Variants in SENP7 observed in about 807,000 individuals in gnomAD.
SENP7 encodes SUMO specific peptidase 7.
In SENP7, 64 loss-of-function variants were observed where a neutral mutation model predicts 141.2. The ratio of observed to expected loss-of-function variants is 0.45; its 90% CI spans 0.37 to 0.56. The LOEUF is 0.56. Among genes scored for constraint, SENP7 ranks in the 20% least tolerant of loss-of-function variants. SENP7 has a pLI of 0.00. For missense variants in SENP7, 1,025 were observed against 1,212.2 expected (o/e 0.85, Z 2.29); for synonymous variants, 382 against 426.4 (o/e 0.90, Z 1.28).
At chr3:101,384,392 T>C (rs1426599476) in intron 6 of SENP7, among the ~76,000 whole-genome samples, 2 of 152,212 alleles carry the variant, frequency 1.3e-5, no homozygotes, top group African/African-American at 4.8e-5. Flanking sequence ...GCTGTGGCCC[T>C]TAAGGGAGCC....
intron 15 of SENP7, 42 bp downstream of exon 15, chr3:101,341,604 T>C: frequency 7.1e-7 from 1 of 1,413,692 alleles, no homozygotes; most frequent in Non-Finnish European, 9.4e-7. Flanking sequence ...TAAAAACTAC[T>C]AATATGCCCA....
At chr3:101,483,391 G>A (rs1559894047) in intron 3 of SENP7, among the ~76,000 whole-genome samples, 1 of 152,156 alleles carries the variant, frequency 6.6e-6, no homozygotes, top group Admixed American at 6.5e-5. Flanking sequence ...ATGTCCATGA[G>A]CATCCAGTGT....
chr3:101,507,214 T>C (rs1249139535), intron 1 of SENP7, among the ~76,000 whole-genome samples: 1 of 152,222 alleles, frequency 6.6e-6, no homozygotes, highest in Non-Finnish European at 1.5e-5. Flanking sequence ...CATAAATTAC[T>C]GAAAACCCAA....
chr3:101,441,285 C>T (rs1576360626), intron 4 of SENP7, among the ~76,000 whole-genome samples: 2 of 152,280 alleles, frequency 1.3e-5, no homozygotes, highest in Admixed American at 6.5e-5. Flanking sequence ...CAGCTGCCAC[C>T]ACCCACCACT....
At chr3:101,355,393 T>C (rs997827202) in intron 11 of SENP7, among the ~76,000 whole-genome samples, 5 of 152,162 alleles carry the variant, frequency 3.3e-5, no homozygotes, top group African/African-American at 1.2e-4. Flanking sequence ...TTGTGTATGG[T>C]ATAAGGAAGG....
At chr3:101,490,688 T>C (rs143707777) in intron 3 of SENP7, among the ~76,000 whole-genome samples, 2 of 152,334 alleles carry the variant, frequency 1.3e-5, no homozygotes, top group East Asian at 1.9e-4. Context: ...AATGTAACTA[T>C]ATGTCAATAA....
intron 3 of SENP7, among the ~76,000 whole-genome samples, chr3:101,471,907 A>G (rs1382257690): frequency 6.6e-6 from 1 of 152,242 alleles, no homozygotes; most frequent in African/African-American, 2.4e-5. Flanking sequence ...AAAAACACTC[A>G]TCATCACTGG....
intron 1 of SENP7, 81 bp downstream of exon 1, chr3:101,513,010 G>A: frequency 1.3e-6 from 2 of 1,494,080 alleles, no homozygotes; most frequent in Non-Finnish European, 9.3e-7. Context: ...GCTTCGGGCC[G>A]CAACCCCAGC....
In SENP7 at chr3:101,414,572, T is replaced by G. The variant is rs532144959; in HGVS notation, c.482+3021A>C. 1.2e-4 allele frequency: 198 copies of G among 1,605,142 alleles called. No homozygotes were observed. In the African/African-American group the frequency reaches 2.5e-3, roughly 20 times the overall value. ...GTGACCAAGTGTGTGGATGACCACA[T>G]GCACCTCATCCCAACTATGACCAAG... is the stretch of plus-strand genomic sequence containing the variant. On this transcript the variant is annotated intron_variant, in intron 5 of 23. Coordinates refer to ENST00000394095, the MANE Select transcript of SENP7 (RefSeq NM_020654.5).
intron 4 of SENP7, among the ~76,000 whole-genome samples, chr3:101,430,054 A>G (rs2062105246): frequency 1.3e-5 from 2 of 152,106 alleles, no homozygotes; most frequent in Middle Eastern, 3.4e-3. Flanking sequence ...ATCATGGTGG[A>G]TAAGTTTTTT....
chr3:101,358,364 C>T, intron 11 of SENP7: 2 of 564,892 alleles, frequency 3.5e-6, no homozygotes, highest in Non-Finnish European at 3.2e-6. Flanking sequence ...TGTGGCAAAT[C>T]TTTTAAATGT....
intron 8 of SENP7, 84 bp downstream of exon 8, chr3:101,367,746 A>G: frequency 7.2e-6 from 6 of 832,458 alleles, no homozygotes; most frequent in South Asian, 2.2e-5. Flanking sequence ...GCTGAAAGCT[A>G]GAGGAACATT....
chr3:101,437,510 C>T (rs988384784), intron 4 of SENP7, among the ~76,000 whole-genome samples: 4 of 151,594 alleles, frequency 2.6e-5, no homozygotes, highest in Non-Finnish European at 4.4e-5. Flanking sequence ...AATATGTACC[C>T]ACAAAAAAAT....
chr3:101,336,835 CAAA>C, intron 17 of SENP7, among the ~76,000 whole-genome samples: 1 of 151,962 alleles, frequency 6.6e-6, no homozygotes, highest in Non-Finnish European at 1.5e-5. Flanking sequence ...TAGTATTAAC[CAAA>C]AAAATACTTG....
intron 16 of SENP7, among the ~76,000 whole-genome samples, chr3:101,337,982 G>A (rs1163958221): frequency 2.0e-5 from 3 of 151,836 alleles, no homozygotes; most frequent in South Asian, 2.1e-4. Context: ...GTGAAACCCC[G>A]TCTCTACTAA....
intron 3 of SENP7, among the ~76,000 whole-genome samples, chr3:101,490,985 C>T (rs2064943786): frequency 6.6e-6 from 1 of 152,026 alleles, no homozygotes; most frequent in South Asian, 2.1e-4. Flanking sequence ...TATCACTTAA[C>T]TTTTGCGAAT....
intron 4 of SENP7, among the ~76,000 whole-genome samples, chr3:101,418,995 T>C (rs184565946): frequency 6.6e-6 from 1 of 152,264 alleles, no homozygotes; most frequent in Non-Finnish European, 1.5e-5. Flanking sequence ...GGGGTGTACA[T>C]TACAGAGAAT....
At chr3:101,497,223 G>A (rs1352690906) in intron 2 of SENP7, among the ~76,000 whole-genome samples, 1 of 152,110 alleles carries the variant, frequency 6.6e-6, no homozygotes, top group Non-Finnish European at 1.5e-5. Context: ...TATAGATAGA[G>A]ATACAGAAAT....
At chr3:101,386,154 C>T (rs929770153) in intron 6 of SENP7, among the ~76,000 whole-genome samples, 7 of 152,114 alleles carry the variant, frequency 4.6e-5, no homozygotes, top group Non-Finnish European at 7.4e-5. Flanking sequence ...TCAAATAGAG[C>T]TCCTAAAAAA....
Sources: allele counts gnomAD v4.1 joint callset (sites outside exome capture counted in the v4.1 genomes callset), GRCh38; gene constraint gnomAD v4.1.1; transcripts MANE v1.5; gene names NCBI Gene and HGNC (gene_info 2026-07-23, HGNC 2026-07-21).